Variants in THAP8 observed in about 807,000 individuals in gnomAD.
THAP8 encodes THAP domain-containing protein 8.
THAP8 carries 24 observed loss-of-function variants against 25.0 expected under a neutral mutation model. The observed-to-expected ratio is 0.96, with a 90% CI of 0.69 to 1.35. The LOEUF (loss-of-function observed/expected upper bound fraction) is 1.35. Among genes scored for constraint, THAP8 ranks in the 40% most tolerant of loss-of-function variants. THAP8 has a pLI of 0.00. For missense variants in THAP8, 399 were observed against 368.8 expected, an observed-to-expected ratio of 1.08 and a Z score of -0.67; for synonymous variants, 169 against 157.6, an observed-to-expected ratio of 1.07 and a Z score of -0.54.
chr19:36,038,096 C>G (rs910876263), intron 3 of THAP8, among the ~76,000 whole-genome samples: 3 of 152,110 alleles, frequency 2.0e-5, no homozygotes, highest in Admixed American at 6.6e-5. Flanking sequence ...AGGTGCGCCA[C>G]CATGCCCAAC....
At chr19:36,037,318 A>AC (rs1969503153) in intron 3 of THAP8, among the ~76,000 whole-genome samples, 5 of 145,414 alleles carry the variant, frequency 3.4e-5, no homozygotes, top group Admixed American at 6.9e-5. Flanking sequence ...ACACACACAC[A>AC]AACACCTTCC....
In THAP8 at chr19:36,039,614, T is replaced by C. The variant is rs1969611418; in HGVS notation, c.381A>G (p.Pro127=). 1 of 1,507,240 alleles carries C rather than the reference T, an allele frequency of 6.6e-7. No homozygotes were observed. Among genetic ancestry groups the C allele is most frequent in the Non-Finnish European group, 8.9e-7 (1 of 1,125,338 alleles). 93.4% of individuals were successfully genotyped at this position (1,507,240 alleles called of 1,614,324 possible). A position where few individuals can be genotyped will look rare whatever the true frequency, so the allele number is the denominator to read the frequency against. The change falls in exon 3 of 4, where the codon CCA becomes CCG. Residue 127 remains proline, a synonymous_variant. Coordinates refer to ENST00000292894, the MANE Select transcript of THAP8 (RefSeq NM_152658.3). ...PQSPAIPVSG[P]VRLVVLGPTS... is the part of the protein sequence containing the mutation. The stretch of plus-strand genomic sequence containing the variant: ...TGGGGCCCAGCACCACTAGGCGCAC[T>C]GGGCCAGAGACTGGGATGGCAGGGC...
upstream of THAP8, chr19:36,054,352 G>GGAGA (rs1282825353): frequency 2.7e-6 from 3 of 1,104,212 alleles, no homozygotes; most frequent in Admixed American, 6.3e-5. Flanking sequence ...CACGTACCGG[G>GGAGA]GAGAGAGCTG....
intron 3 of THAP8, among the ~76,000 whole-genome samples, chr19:36,039,043 TTCAGGA>T (rs1969582849): frequency 6.6e-6 from 1 of 152,214 alleles, no homozygotes; most frequent in African/African-American, 2.4e-5. Flanking sequence ...GATTTTGTTT[TTCAGGA>T]AAACCTAGAA....
At chr19:36,037,279 CCTTCCT>C (rs1969497938) in intron 3 of THAP8, among the ~76,000 whole-genome samples, 1 of 139,012 alleles carries the variant, frequency 7.2e-6, no homozygotes, top group Non-Finnish European at 1.6e-5. Flanking sequence ...CACACACACA[CCTTCCT>C]CAGCTTCCTC....
chr19:36,039,504 A>C lies in THAP8; in HGVS notation c.491T>G (p.Val164Gly). 1 of 1,581,776 alleles carries C rather than the reference A, an allele frequency of 6.3e-7. No individual in the cohort carries two copies. The highest frequency in any genetic ancestry group is 8.6e-7 in the Non-Finnish European group (1 of 1,162,142). The change falls in exon 3 of 4, where the codon GTC (valine) becomes GGC (glycine). Residue 164 changes from valine (V) to glycine (G), a missense_variant. Coordinates refer to ENST00000292894, the MANE Select transcript of THAP8 (RefSeq NM_152658.3). ...CCCGGTCTGGGCCTGTTGGGCAGGG[A>C]CTTCAGGTTGTGACCGCTCAGGAGT... ...APTPERSQPE[V>G]PAQQAQTGLG...
chr19:36,042,666 A>G (rs1207147522), intron 1 of THAP8, among the ~76,000 whole-genome samples: 4 of 152,234 alleles, frequency 2.6e-5, no homozygotes. Flanking sequence ...ACATAGCAGC[A>G]TAAATCACAA....
chr19:36,038,071 A>C (rs1477254814), intron 3 of THAP8, among the ~76,000 whole-genome samples: 2 of 152,004 alleles, frequency 1.3e-5, no homozygotes, highest in African/African-American at 4.8e-5. Context: ...TAGCCTCCCA[A>C]GTAGCTGGGA....
intron 1 of THAP8, among the ~76,000 whole-genome samples, chr19:36,048,841 T>TA (rs1204599378): frequency 0.13 from 10,482 of 82,490 alleles, 784 homozygotes; most frequent in African/African-American, 0.25. Flanking sequence ...ACCCCTTCTT[T>TA]AAAAAAAAAA....
At chr19:36,051,013 T>C (rs1189738868) in intron 1 of THAP8, among the ~76,000 whole-genome samples, 7 of 152,344 alleles carry the variant, frequency 4.6e-5, no homozygotes, top group South Asian at 2.1e-4. Context: ...TCTGGCTTGA[T>C]TGAACTGATA....
rs376379518 is a variant in THAP8 at position 36,039,990 on chromosome 19, C to T, written c.230G>A (p.Arg77Gln). 45 of 1,613,542 alleles carry T rather than the reference C, an allele frequency of 2.8e-5. No individual in the cohort carries two copies. The South Asian group carries it at 2.9e-4, about 10-fold the overall frequency. ...GAAGATGGAGGGCACTGCATCAGGC[C>T]GCAGGTAGCGCACACCCCAGCGCCA... Reference protein sequence around the residue: ...FQWRWGVRYLRPDAVPSIFSR... With the variant: ...FQWRWGVRYLQPDAVPSIFSR... The change falls in exon 2 of 4, where the codon CGG becomes CAG. Residue 77 changes from arginine to glutamine, a missense_variant. Arg to Gln is a conservative substitution (Grantham distance 43, BLOSUM62 1). Coordinates refer to ENST00000292894, the MANE Select transcript of THAP8 (RefSeq NM_152658.3).
At chr19:36,051,038 AT>A (rs1970042441) in intron 1 of THAP8, among the ~76,000 whole-genome samples, 1 of 152,238 alleles carries the variant, frequency 6.6e-6, no homozygotes, top group South Asian at 2.1e-4. Context: ...AGTGGGGGAG[AT>A]AATGAATGAA....
intron 1 of THAP8, among the ~76,000 whole-genome samples, chr19:36,046,686 T>A (rs1969891686): frequency 6.6e-6 from 1 of 152,196 alleles, no homozygotes; most frequent in Non-Finnish European, 1.5e-5. Context: ...CAAGATCTAT[T>A]GCAACAGCAT....
intron 1 of THAP8, among the ~76,000 whole-genome samples, chr19:36,045,164 T>C (rs1969833676): frequency 1.3e-5 from 2 of 152,102 alleles, no homozygotes; most frequent in Non-Finnish European, 2.9e-5. Context: ...CTCGGCTCAC[T>C]GCAAGCTCCG....
chr19:36,037,347 C>G lies in THAP8; in HGVS notation c.673-1755G>C, dbSNP rs959416739. 4.0e-3 allele frequency among the ~76,000 whole-genome samples: 433 copies of G among 107,816 alleles called. 3 individuals are homozygous for G. Among genetic ancestry groups the G allele is most frequent in the Admixed American group, 8.0e-3 (91 of 11,414 alleles). The allele number at this position is 107,816 out of a possible 152,430, so 70.7% of individuals were successfully genotyped here. A position where few individuals can be genotyped will look rare whatever the true frequency, so the allele number is the denominator to read the frequency against. ...ACCTTCCTCAAATTCCTCCCCTACACACACACACACACACACACACACACA... is the reference window on the plus strand; with the variant it reads ...ACCTTCCTCAAATTCCTCCCCTACAGACACACACACACACACACACACACA... On this transcript the variant is annotated intron_variant, in intron 3 of 3. Transcript: ENST00000292894.
chr19:36,040,047 C>T lies in THAP8; in HGVS notation c.173G>A (p.Cys58Tyr). ...HWVPSCHQHLCSEHFTPSCFQ... is the reference protein window; with the variant it reads ...HWVPSCHQHLYSEHFTPSCFQ... ...GCAGGAGGGTGTGAAGTGCTCGCTGCACAAGTGCTGGTGGCAGCTGGGCAC... is the reference window on the plus strand; with the variant it reads ...GCAGGAGGGTGTGAAGTGCTCGCTGTACAAGTGCTGGTGGCAGCTGGGCAC... Residue 58 changes from cysteine to tyrosine, a missense_variant, in exon 2 of 4, where the codon TGC (cysteine) becomes TAC (tyrosine). Coordinates refer to ENST00000292894, the MANE Select transcript of THAP8 (RefSeq NM_152658.3). 1 of 1,613,704 alleles carries T rather than the reference C, an allele frequency of 6.2e-7. No individual in the cohort carries two copies. The highest frequency in any genetic ancestry group is 8.5e-7 in the Non-Finnish European group (1 of 1,179,858).
Position 36,039,323 on chromosome 19 carries a change from C to T in THAP8, c.672G>A (p.Leu224=). Residue 224 remains leucine, a splice_region_variant and synonymous_variant, in exon 3 of 4, where the codon CTG becomes CTA. Transcript: ENST00000292894. ...GCTGCCAGGCTGGGGTGCCACTCACCAGGCGCTGCAGACCCCGGCGTGCCC... is the reference window on the plus strand; with the variant it reads ...GCTGCCAGGCTGGGGTGCCACTCACTAGGCGCTGCAGACCCCGGCGTGCCC... ...LARARRGLQR[L]TTAQTLGPEE... 2 of 1,478,044 alleles carry T rather than the reference C, an allele frequency of 1.4e-6. No homozygotes were observed. The highest frequency in any genetic ancestry group is 1.8e-6 in the Non-Finnish European group (2 of 1,119,518). 91.6% of individuals were successfully genotyped at this position (1,478,044 alleles called of 1,614,324 possible). A position where few individuals can be genotyped will look rare whatever the true frequency, so the allele number is the denominator to read the frequency against.
upstream of THAP8, chr19:36,054,406 C>A: frequency 3.0e-6 from 2 of 657,914 alleles, no homozygotes; most frequent in Non-Finnish European, 5.3e-6. Flanking sequence ...GCCACAGTCC[C>A]GCCCTCGTCA....
intron 1 of THAP8, among the ~76,000 whole-genome samples, chr19:36,042,496 TG>T (rs1278193775): frequency 6.6e-6 from 1 of 152,036 alleles, no homozygotes; most frequent in African/African-American, 2.4e-5. Context: ...CCAGATATGG[TG>T]GCATGTGCCT....
Sources: gnomAD v4.1 joint callset for allele counts (sites outside exome capture counted in the v4.1 genomes callset) on GRCh38, gnomAD v4.1.1 for gene constraint, MANE v1.5 for transcripts, NCBI Gene and HGNC (gene_info 2026-07-23, HGNC 2026-07-21) for gene names.